Variants in FSD1L observed in about 807,000 individuals in gnomAD.
FSD1L encodes fibronectin type III and SPRY domain containing 1 like, also known as FSD1-like protein.
Under a neutral mutation model 71.6 loss-of-function variants are expected in FSD1L, and 45 were observed. The ratio of observed to expected loss-of-function variants is 0.63; its 90% CI spans 0.49 to 0.81. The LOEUF is 0.81. Ranked by LOEUF, FSD1L falls within the 30% of genes least tolerant of loss-of-function variation. The pLI, the probability that FSD1L is intolerant of heterozygous loss-of-function variation, is 0.00. For synonymous variants in FSD1L, 197 were observed against 207.2 expected (o/e 0.95, Z 0.42); for missense variants, 561 against 618.1 (o/e 0.91, Z 0.98).
At chr9:105,461,105 A>G (rs186985074) in intron 1 of FSD1L, among the ~76,000 whole-genome samples, 11 of 152,248 alleles carry the variant, frequency 7.2e-5, no homozygotes, top group African/African-American at 2.2e-4. Flanking sequence ...TGGTCTTCCA[A>G]GAAAAAAGTT....
In FSD1L at chr9:105,459,871, C is replaced by T. The variant is rs534169016; in HGVS notation, c.16-1649C>T. ...CCCTCCTCATCTAAAGATTGCAGTG[C>T]GTCCTCTGAAAATAATCTAGGCCTT... On this transcript the variant is annotated intron_variant, in intron 1 of 13. Coordinates refer to ENST00000481272, the MANE Select transcript of FSD1L (RefSeq NM_001145313.3). Among the ~76,000 whole-genome samples the T allele has an allele frequency of 4.6e-5, 7 of 152,272 alleles. 1 individual carries two copies. Among genetic ancestry groups the T allele is most frequent in the African/African-American group, 1.2e-4 (5 of 41,550 alleles).
At chr9:105,507,919 T>C (rs1407402522) in intron 8 of FSD1L, among the ~76,000 whole-genome samples, 1 of 148,990 alleles carries the variant, frequency 6.7e-6, no homozygotes, top group African/African-American at 2.5e-5. Context: ...GAGACAGAGT[T>C]TCACTCTTGT....
Position 105,551,684 on chromosome 9 carries a change from A to G in FSD1L, c.*5201A>G, listed in dbSNP as rs1837269763. On this transcript the variant is annotated 3_prime_UTR_variant, in exon 14 of 14. Transcript: ENST00000481272. ...TCTTTAATATTCATTTAATTTGTGC[A>G]TGACTTGTGGCCTTTTTGTATTTTC... is the stretch of plus-strand genomic sequence containing the variant. The G allele has an allele frequency of 6.6e-6, 1 of 152,220 alleles. No individual in the cohort carries two copies. Among genetic ancestry groups the G allele is most frequent in the Non-Finnish European group, 1.5e-5 (1 of 68,012 alleles). The allele number at this position is 152,220 out of a possible 1,614,324, so 9.4% of individuals were successfully genotyped here.
chr9:105,448,425 G>A (rs1829764826), intron 1 of FSD1L, among the ~76,000 whole-genome samples, 190 bp downstream of exon 1: 1 of 152,214 alleles, frequency 6.6e-6, no homozygotes, highest in Non-Finnish European at 1.5e-5. Flanking sequence ...ACGGATGCGG[G>A]GACCGCGCCC....
chr9:105,495,021 G>C (rs1007554014), intron 7 of FSD1L, among the ~76,000 whole-genome samples: 1 of 152,142 alleles, frequency 6.6e-6, no homozygotes, highest in African/African-American at 2.4e-5. Flanking sequence ...GAGAGCCACT[G>C]CTCTCTTCAA....
chr9:105,535,378 C>T, intron 12 of FSD1L, 60 bp downstream of exon 12: 6 of 1,497,386 alleles, frequency 4.0e-6, no homozygotes, highest in South Asian at 1.2e-5. Flanking sequence ...GTACCTTTCA[C>T]TGGTAATCAT....
In FSD1L at chr9:105,468,307, A is replaced by C; in HGVS notation, c.322A>C (p.Lys108Gln). ...CTGTATCAAGCAGGAACAAGCTCGT[A>C]AATCCCAAGAGTTACAGGTGAGATC... ...INCIKQEQARKSQELQSQISQ... is the reference protein window; with the variant it reads ...INCIKQEQARQSQELQSQISQ... The change falls in exon 4 of 14, where the codon AAA becomes CAA. Residue 108 changes from lysine (K) to glutamine (Q), a missense_variant. Around this residue, in one of 3 missense-constraint regions of FSD1L, gnomAD observed 410 missense variants for 413.5 expected, o/e 0.99. Coordinates refer to ENST00000481272, the MANE Select transcript of FSD1L (RefSeq NM_001145313.3). 1 of 1,492,102 alleles carries C rather than the reference A, an allele frequency of 6.7e-7. No homozygotes were observed. The highest frequency in any genetic ancestry group is 8.9e-7 in the Non-Finnish European group (1 of 1,126,586). 92.4% of individuals were successfully genotyped at this position (1,492,102 alleles called of 1,614,324 possible).
chr9:105,480,062 G>T (rs1391804688), intron 6 of FSD1L, among the ~76,000 whole-genome samples: 1 of 152,196 alleles, frequency 6.6e-6, no homozygotes, highest in African/African-American at 2.4e-5. Context: ...AGAAGGAACA[G>T]TTTGGATCTG....
intron 10 of FSD1L, among the ~76,000 whole-genome samples, chr9:105,528,873 A>T (rs1001588856): frequency 9.9e-5 from 15 of 152,218 alleles, no homozygotes; most frequent in African/African-American, 3.6e-4. Context: ...AATTTTTGCA[A>T]TCTATCCATC....
Position 105,498,336 on chromosome 9 carries a change from A to G in FSD1L, c.587-8063A>G, listed in dbSNP as rs971869122. Among the ~76,000 whole-genome samples the G allele has an allele frequency of 3.9e-5, 6 of 152,016 alleles. No homozygotes were observed. In the East Asian group the frequency reaches 5.8e-4, roughly 15 times the overall value. On this transcript the variant is annotated intron_variant, in intron 7 of 13. Transcript: ENST00000481272. Reference sequence around the variant, plus strand: ...ATTCTAAGAAATGTGATGTTTGGCAATTTTGTCATTGTGCAAACATCATAG... The same window carrying G: ...ATTCTAAGAAATGTGATGTTTGGCAGTTTTGTCATTGTGCAAACATCATAG...
chr9:105,446,582 G>T (rs1297968330), upstream of FSD1L, among the ~76,000 whole-genome samples: 1 of 151,916 alleles, frequency 6.6e-6, no homozygotes, highest in African/African-American at 2.4e-5. Context: ...TGTTGCCCAG[G>T]CTGGTCTCGA....
At position 105,547,270 on chromosome 9, in the gene FSD1L, GTTTAATCCTACC is replaced by G. The variant is rs1254610300; in HGVS notation, c.*794_*805del. 6.7e-6 allele frequency: 1 copy of G among 149,448 alleles called. No homozygotes were observed. Among genetic ancestry groups the G allele is most frequent in the Non-Finnish European group, 1.5e-5 (1 of 66,684 alleles). 9.3% of individuals were successfully genotyped at this position (149,448 alleles called of 1,614,324 possible). A position where few individuals can be genotyped will look rare whatever the true frequency, so the allele number is the denominator to read the frequency against. ...TTATATTTTTTGATTTTGTTGTCTA[GTTTAATCCTACC>G]TTTAATAGTTGTGTTTGGTAAAATT... On this transcript the variant is annotated 3_prime_UTR_variant, in exon 14 of 14. Transcript: ENST00000481272.
chr9:105,492,421 C>G lies in FSD1L; in HGVS notation c.586+7919C>G, dbSNP rs192696715. On this transcript the variant is annotated intron_variant, in intron 7 of 13. Transcript: ENST00000481272. ...TTTATTAGTCTTGCTAGGAGTCTAT[C>G]AATTTTGTTCATCCTTTCAAAAAAC... Among the ~76,000 whole-genome samples the G allele has an allele frequency of 6.6e-5, 10 of 152,108 alleles. No individual in the cohort carries two copies. The East Asian group carries it at 1.9e-3, about 29-fold the overall frequency.
At chr9:105,522,889 A>G in intron 10 of FSD1L, 6 of 1,608,114 alleles carry the variant, frequency 3.7e-6, no homozygotes, top group Non-Finnish European at 5.1e-6. Flanking sequence ...AACAAGCAGA[A>G]CCAGATGCGC....
At chr9:105,465,991 T>G (rs1342689769) in intron 3 of FSD1L, among the ~76,000 whole-genome samples, 1 of 141,126 alleles carries the variant, frequency 7.1e-6, no homozygotes, top group African/African-American at 2.5e-5. Context: ...CCTGCCTCAG[T>G]CTTTAGAAGA....
intron 4 of FSD1L, among the ~76,000 whole-genome samples, chr9:105,471,418 A>T (rs148179894): frequency 1.3e-5 from 2 of 152,152 alleles, no homozygotes; most frequent in East Asian, 3.9e-4. Flanking sequence ...GCCAATAGAA[A>T]CATTTTTAAA....
chr9:105,487,536 T>G (rs1460509830), intron 7 of FSD1L, among the ~76,000 whole-genome samples: 2 of 152,138 alleles, frequency 1.3e-5, no homozygotes, highest in Non-Finnish European at 2.9e-5. Context: ...TAAGCCACTT[T>G]AAAAATGAGC....
At chr9:105,511,599 G>A (rs905459189) in intron 9 of FSD1L, among the ~76,000 whole-genome samples, 1 of 152,048 alleles carries the variant, frequency 6.6e-6, no homozygotes, top group East Asian at 1.9e-4. Context: ...GTTGAAAGCT[G>A]TGAACTTCCT....
At position 105,551,649 on chromosome 9, in the gene FSD1L, A is replaced by G. The variant is rs1265370780; in HGVS notation, c.*5166A>G. 3 of 152,230 alleles carry G rather than the reference A, an allele frequency of 2.0e-5. No individual in the cohort carries two copies. Among genetic ancestry groups the G allele is most frequent in the Non-Finnish European group, 2.9e-5 (2 of 68,026 alleles). 9.4% of individuals were successfully genotyped at this position (152,230 alleles called of 1,614,324 possible). ...ATGATTTTAAAAAAATAAAACCCCA[A>G]TTAAAATGTTCTTTAATATTCATTT... On this transcript the variant is annotated 3_prime_UTR_variant, in exon 14 of 14. Coordinates refer to ENST00000481272, the MANE Select transcript of FSD1L (RefSeq NM_001145313.3).
Sources: gnomAD v4.1 joint callset for allele counts (sites outside exome capture counted in the v4.1 genomes callset) on GRCh38, gnomAD v4.1.1 for gene constraint, gnomAD v4.1.1 regional missense constraint, MANE v1.5 for transcripts, NCBI Gene and HGNC (gene_info 2026-07-23, HGNC 2026-07-21) for gene names.